The following CYB5R4 variants were observed in gnomAD, a reference collection of about 807,000 sequenced individuals.
CYB5R4 encodes the protein N-terminal cytochrome b5 and cytochrome b5 oxidoreductase domain-containing protein.
In CYB5R4, 55 loss-of-function variants were observed where a neutral mutation model predicts 70.2. The observed-to-expected ratio is 0.78, with a 90% CI of 0.63 to 0.98. The LOEUF (loss-of-function observed/expected upper bound fraction) is 0.98. CYB5R4 is among the 50% of genes least tolerant of loss of function. CYB5R4 has a pLI of 0.00. For missense variants in CYB5R4, 562 were observed against 612.6 expected (o/e 0.92, Z 0.87); for synonymous variants, 197 against 199.5 (o/e 0.99, Z 0.11).
intron 3 of CYB5R4, among the ~76,000 whole-genome samples, chr6:83,900,648 C>A (rs1482319621): frequency 6.6e-6 from 1 of 152,176 alleles, no homozygotes; most frequent in East Asian, 1.9e-4. Flanking sequence ...AATCTGGGTG[C>A]TCCTGTATTG....
chr6:83,917,787 T>TTAA (rs1449600048), intron 5 of CYB5R4, among the ~76,000 whole-genome samples: 3 of 152,052 alleles, frequency 2.0e-5, no homozygotes, highest in Non-Finnish European at 4.4e-5. Flanking sequence ...GGGGTGGTGA[T>TTAA]TGAAAAGGGG....
chr6:83,890,568 C>T (rs2099460976), intron 2 of CYB5R4, among the ~76,000 whole-genome samples: 2 of 152,152 alleles, frequency 1.3e-5, no homozygotes, highest in East Asian at 1.9e-4. Context: ...ACACTTAGTT[C>T]GTAAAACAAC....
chr6:83,915,921 C>T (rs1031807152), intron 5 of CYB5R4, among the ~76,000 whole-genome samples: 1 of 152,144 alleles, frequency 6.6e-6, no homozygotes, highest in African/African-American at 2.4e-5. Flanking sequence ...TCAACCAATA[C>T]TTATGGAAGG....
At chr6:83,882,087 A>G (rs2099459537) in intron 2 of CYB5R4, among the ~76,000 whole-genome samples, 1 of 152,210 alleles carries the variant, frequency 6.6e-6, no homozygotes, top group Admixed American at 6.5e-5. Context: ...AATACTATCT[A>G]AAGATACTGG....
At chr6:83,932,751 A>G (rs142625485) in intron 10 of CYB5R4, among the ~76,000 whole-genome samples, 1 of 152,282 alleles carries the variant, frequency 6.6e-6, no homozygotes, top group African/African-American at 2.4e-5. Context: ...TTTATGTGAA[A>G]AGCTAGTGCA....
At position 83,967,062 on chromosome 6, in the gene CYB5R4, C is replaced by A. The variant is rs1486913317; in HGVS notation, c.*7184C>A. On this transcript the variant is annotated 3_prime_UTR_variant, in exon 16 of 16. Transcript: ENST00000369681. ...CTTATGCTTTAAGAAAGTGTTGTAC[C>A]ACATTTGATATCCTGATGGAAAAAA... 3 of 152,122 alleles carry A rather than the reference C, an allele frequency of 2.0e-5. No individual in the cohort carries two copies. Among genetic ancestry groups the A allele is most frequent in the Non-Finnish European group, 4.4e-5 (3 of 68,032 alleles). The allele number at this position is 152,122 out of a possible 1,614,324, so 9.4% of individuals were successfully genotyped here. A position where few individuals can be genotyped will look rare whatever the true frequency, so the allele number is the denominator to read the frequency against.
chr6:83,928,796 G>A (rs2099467711), intron 10 of CYB5R4, among the ~76,000 whole-genome samples: 1 of 152,132 alleles, frequency 6.6e-6, no homozygotes, highest in Admixed American at 6.5e-5. Flanking sequence ...CTTATCTAGT[G>A]ACTGAAAAAT....
chr6:83,927,329 CCT>C (rs2099467455), intron 10 of CYB5R4, among the ~76,000 whole-genome samples: 5 of 152,156 alleles, frequency 3.3e-5, no homozygotes, highest in Admixed American at 2.0e-4. Flanking sequence ...AACTGTCTAT[CCT>C]ACAATTTAAC....
intron 2 of CYB5R4, among the ~76,000 whole-genome samples, chr6:83,875,218 A>G (rs2099458341): frequency 6.6e-6 from 1 of 152,164 alleles, no homozygotes; most frequent in African/African-American, 2.4e-5. Flanking sequence ...TATTCAGTAA[A>G]TGTTCTTTGA....
intron 3 of CYB5R4, among the ~76,000 whole-genome samples, chr6:83,899,834 C>T (rs532238468): frequency 1.1e-4 from 16 of 152,138 alleles, no homozygotes; most frequent in African/African-American, 3.6e-4. Context: ...TTTTTTATTG[C>T]ATCTATTTGA....
intron 2 of CYB5R4, among the ~76,000 whole-genome samples, chr6:83,892,012 C>T (rs565198993): frequency 6.6e-6 from 1 of 152,200 alleles, no homozygotes; most frequent in South Asian, 2.1e-4. Flanking sequence ...CTTAAAAAAG[C>T]CTATTGGGAG....
intron 4 of CYB5R4, among the ~76,000 whole-genome samples, chr6:83,910,531 T>C (rs2099464518): frequency 6.6e-6 from 1 of 152,182 alleles, no homozygotes; most frequent in African/African-American, 2.4e-5. Flanking sequence ...AAGTAAGAAG[T>C]CCCTGGTTAG....
chr6:83,889,461 TATA>T (rs1328834769), intron 2 of CYB5R4, among the ~76,000 whole-genome samples: 1 of 152,204 alleles, frequency 6.6e-6, no homozygotes, highest in African/African-American at 2.4e-5. Flanking sequence ...GCCTGTGCTC[TATA>T]AATGGGACAA....
intron 2 of CYB5R4, among the ~76,000 whole-genome samples, chr6:83,871,513 A>G (rs2099457638): frequency 6.6e-6 from 1 of 151,928 alleles, no homozygotes; most frequent in Non-Finnish European, 1.5e-5. Flanking sequence ...ATTCATTAAA[A>G]ATTTAGTGGA....
intron 11 of CYB5R4, among the ~76,000 whole-genome samples, chr6:83,935,993 A>G (rs2099468864): frequency 6.6e-6 from 1 of 152,136 alleles, no homozygotes. Context: ...TACATCATAA[A>G]AACAGATTGT....
In CYB5R4 at chr6:83,963,997, C is replaced by G. The variant is rs1361307657; in HGVS notation, c.*4119C>G. ...CTTGCGGCCGCCATGTAAGAAGTGC[C>G]TTTCACCTCCTGCCATGATTCTGAG... On this transcript the variant is annotated 3_prime_UTR_variant, in exon 16 of 16. Transcript: ENST00000369681. 1 of 230,210 alleles carries G rather than the reference C, an allele frequency of 4.3e-6. No homozygotes were observed. Among genetic ancestry groups the G allele is most frequent in the Admixed American group, 5.3e-5 (1 of 19,026 alleles). 14.3% of individuals were successfully genotyped at this position (230,210 alleles called of 1,614,324 possible).
intron 14 of CYB5R4, among the ~76,000 whole-genome samples, chr6:83,949,695 A>G (rs1366879822): frequency 6.6e-6 from 1 of 152,198 alleles, no homozygotes; most frequent in African/African-American, 2.4e-5. Flanking sequence ...ATTTTCAGCA[A>G]GTGTGCTATG....
At chr6:83,878,377 C>T (rs927655329) in intron 2 of CYB5R4, among the ~76,000 whole-genome samples, 5 of 151,186 alleles carry the variant, frequency 3.3e-5, no homozygotes, top group African/African-American at 9.8e-5. Context: ...AGACAGAGTC[C>T]TGCTCTGTCA....
intron 2 of CYB5R4, among the ~76,000 whole-genome samples, chr6:83,891,794 A>G (rs2099461158): frequency 6.6e-6 from 1 of 152,214 alleles, no homozygotes; most frequent in South Asian, 2.1e-4. Flanking sequence ...GCAGGTTAGC[A>G]GAGAACATGT....
Sources: gnomAD v4.1 joint callset for allele counts (sites outside exome capture counted in the v4.1 genomes callset) on GRCh38, gnomAD v4.1.1 for gene constraint, MANE v1.5 for transcripts, NCBI Gene and HGNC (gene_info 2026-07-23, HGNC 2026-07-21) for gene names.